Variants in RBFOX1 observed in about 807,000 individuals in gnomAD.
The protein encoded by RBFOX1 is RNA binding fox-1 homolog 1, also known as RNA binding protein fox-1 homolog 1.
In RBFOX1, 8 loss-of-function variants were observed where a neutral mutation model predicts 57.7. That is an observed-to-expected ratio of 0.14 (90% confidence interval 0.08 to 0.25). The LOEUF is 0.25. Among genes scored for constraint, RBFOX1 ranks in the 10% least tolerant of loss-of-function variants. RBFOX1 has a pLI of 1.00. For synonymous variants in RBFOX1, 326 were observed against 222.4 expected, an observed-to-expected ratio of 1.47 and a Z score of -4.15; for missense variants, 611 against 548.5, an observed-to-expected ratio of 1.11 and a Z score of -1.14.
chr16:6,989,290 T>C (rs1384229771), intron 3 of RBFOX1, among the ~76,000 whole-genome samples: 9 of 152,210 alleles, frequency 5.9e-5, no homozygotes, highest in Non-Finnish European at 1.5e-5. Flanking sequence ...TCTGGATAAT[T>C]TGTCTATGAA....
chr16:7,421,802 A>T lies in RBFOX1; in HGVS notation c.28-96345A>T, dbSNP rs567933795. ...GTCGTCAGCAGTTTTCTGACATGCA[A>T]AATAATGATGGGGCACTGAATTATA... On this transcript the variant is annotated intron_variant, in intron 4 of 15. Coordinates refer to ENST00000550418, the MANE Select transcript of RBFOX1 (RefSeq NM_018723.4). 1.5e-3 allele frequency among the ~76,000 whole-genome samples: 226 copies of T among 152,348 alleles called. 2 individuals are homozygous for T. Among genetic ancestry groups the T allele is most frequent in the African/African-American group, 5.4e-3 (223 of 41,584 alleles).
chr16:7,504,749 A>ATTTT (rs1567554343), intron 4 of RBFOX1, among the ~76,000 whole-genome samples: 1 of 6,244 alleles, frequency 1.6e-4, no homozygotes, highest in Admixed American at 1.8e-3. Context: ...ATATATATAT[A>ATTTT]TATATTTATA....
intron 3 of RBFOX1, among the ~76,000 whole-genome samples, chr16:6,945,181 T>A (rs2079256442): frequency 6.6e-6 from 1 of 152,136 alleles, no homozygotes; most frequent in African/African-American, 2.4e-5. Flanking sequence ...GGCTGTGACC[T>A]CAGACTGCTT....
chr16:5,908,847 C>A (rs2058542794), intron 4 of RBFOX1, among the ~76,000 whole-genome samples: 6 of 151,656 alleles, frequency 4.0e-5, no homozygotes, highest in Admixed American at 3.9e-4. Context: ...GAGGGTGAAG[C>A]CTTCATGAGT....
At chr16:7,652,740 C>A (rs1412369345) in intron 11 of RBFOX1, among the ~76,000 whole-genome samples, 1 of 152,182 alleles carries the variant, frequency 6.6e-6, no homozygotes. Flanking sequence ...GGGTCCCAGA[C>A]TTATCGCGTA....
intron 1 of RBFOX1, among the ~76,000 whole-genome samples, chr16:5,341,539 C>A (rs1609290): frequency 3.9e-5 from 6 of 152,072 alleles, no homozygotes; most frequent in Admixed American, 2.0e-4. Flanking sequence ...GAGATATTCC[C>A]TGAGTTTTTT....
At chr16:5,605,115 C>T (rs1344694764), downstream of RBFOX1, among the ~76,000 whole-genome samples, 1 of 152,216 alleles carries the variant, frequency 6.6e-6, no homozygotes, top group South Asian at 2.1e-4. Flanking sequence ...CCTTTCTGCT[C>T]TGGCTTCTAG....
intron 1 of RBFOX1, among the ~76,000 whole-genome samples, chr16:5,335,997 A>C (rs1528327): frequency 6.6e-6 from 1 of 152,186 alleles, no homozygotes; most frequent in Non-Finnish European, 1.5e-5. Flanking sequence ...TTATTAGTCC[A>C]ATTTGGTAGG....
chr16:7,705,554 A>G (rs1238838447), intron 14 of RBFOX1, among the ~76,000 whole-genome samples: 4 of 152,164 alleles, frequency 2.6e-5, no homozygotes, highest in Non-Finnish European at 5.9e-5. Flanking sequence ...CACAGTAACC[A>G]AGGGAAGGAA....
chr16:6,097,965 G>A lies in RBFOX1; in HGVS notation c.-127+77973G>A, dbSNP rs958387120. ...TAAACCATAGATGATCAGGGCCCCT[G>A]CTTGGTCTAGGATGGAGCCTGCAAT... On this transcript the variant is annotated intron_variant, in intron 1 of 15. Transcript: ENST00000550418. The surrounding 1 kb of genome is among the most constrained non-coding windows in gnomAD (Gnocchi z 5.0). Among the ~76,000 whole-genome samples, 5 of 152,270 alleles carry A rather than the reference G, an allele frequency of 3.3e-5. No homozygotes were observed. The highest frequency in any genetic ancestry group is 5.9e-5 in the Non-Finnish European group (4 of 68,018).
At chr16:6,811,083 G>A (rs567945534) in intron 3 of RBFOX1, among the ~76,000 whole-genome samples, 67 of 152,328 alleles carry the variant, frequency 4.4e-4, no homozygotes, top group African/African-American at 1.5e-3. Flanking sequence ...ATTTCTTTCT[G>A]GGATGTTGTG....
chr16:6,707,034 C>A (rs943668456), intron 3 of RBFOX1, among the ~76,000 whole-genome samples: 1 of 152,116 alleles, frequency 6.6e-6, no homozygotes, highest in Non-Finnish European at 1.5e-5. Context: ...CTCTAATGAT[C>A]CATCAGCCGA....
intron 3 of RBFOX1, among the ~76,000 whole-genome samples, chr16:5,673,013 C>G (rs1279570487): frequency 1.3e-5 from 2 of 152,032 alleles, no homozygotes; most frequent in African/African-American, 4.8e-5. Flanking sequence ...TGCAGAGAAG[C>G]CTCCACTCTG....
intron 11 of RBFOX1, among the ~76,000 whole-genome samples, chr16:7,634,258 G>A (rs1307695391): frequency 6.6e-6 from 1 of 152,170 alleles, no homozygotes; most frequent in Non-Finnish European, 1.5e-5. Context: ...CCTGAAGGAA[G>A]GTGTGTGTAA....
intron 3 of RBFOX1, chr16:6,723,667 G>A (rs1013682237): frequency 6.6e-6 from 1 of 152,114 alleles, no homozygotes; most frequent in African/African-American, 2.4e-5. Context: ...GTATTTTTGA[G>A]GAGCAAATAG....
At chr16:7,552,189 C>T (rs572739954) in intron 5 of RBFOX1, among the ~76,000 whole-genome samples, 2 of 152,268 alleles carry the variant, frequency 1.3e-5, no homozygotes, top group African/African-American at 2.4e-5. Flanking sequence ...GATTTTGTTT[C>T]CTGATTTCTC....
intron 1 of RBFOX1, among the ~76,000 whole-genome samples, chr16:6,254,071 C>T (rs904014009): frequency 6.6e-6 from 1 of 152,144 alleles, no homozygotes. Context: ...GAAAGACAAA[C>T]TTACGATCAA....
chr16:6,846,457 A>G (rs1238396517), intron 3 of RBFOX1, among the ~76,000 whole-genome samples: 5 of 152,224 alleles, frequency 3.3e-5, no homozygotes, highest in African/African-American at 4.8e-5. Flanking sequence ...CTATAAGAAG[A>G]CACCTGGGTC....
At chr16:7,606,382 A>G (rs1488295573) in intron 9 of RBFOX1, among the ~76,000 whole-genome samples, 1 of 152,012 alleles carries the variant, frequency 6.6e-6, no homozygotes, top group Non-Finnish European at 1.5e-5. Flanking sequence ...TGGCCTCCCA[A>G]AGTGTTGGGA....
Sources: allele counts gnomAD v4.1 joint callset (sites outside exome capture counted in the v4.1 genomes callset), GRCh38; gene constraint gnomAD v4.1.1; non-coding constraint Gnocchi (gnomAD v3.1); transcripts MANE v1.5; gene names NCBI Gene and HGNC (gene_info 2026-07-23, HGNC 2026-07-21).